HK1: variants seen among roughly 807,000 people sequenced by gnomAD.
HK1 encodes hexokinase-1.
In HK1, 28 loss-of-function variants were observed where a neutral mutation model predicts 91.6. The observed-to-expected ratio is 0.31, with a 90% CI of 0.23 to 0.42. The LOEUF (loss-of-function observed/expected upper bound fraction) is 0.42, where lower values mean the gene tolerates loss of function less well. Among genes scored for constraint, HK1 ranks in the 10% least tolerant of loss-of-function variants. The pLI, the probability that HK1 is intolerant of heterozygous loss-of-function variation, is 1.00. For synonymous variants in HK1, 430 were observed against 468.1 expected (o/e 0.92, Z 1.05); for missense variants, 770 against 1,219.8 (o/e 0.63, Z 5.49).
intron 2 of HK1, among the ~76,000 whole-genome samples, chr10:69,350,591 G>A (rs544319249): frequency 2.0e-5 from 3 of 152,150 alleles, no homozygotes; most frequent in African/African-American, 7.2e-5. Context: ...GAACCCGGGA[G>A]TTGGAGGTTG....
At chr10:69,301,004 G>T (rs1032657196) in intron 5 of HK1, 6 of 550,262 alleles carry the variant, frequency 1.1e-5, no homozygotes, top group South Asian at 7.1e-5. Flanking sequence ...CAGCACTTTG[G>T]GAGGCTGAGG....
At position 69,357,605 on chromosome 10, in the gene HK1, A is replaced by G. The variant is rs116220523; in HGVS notation, c.227-2292A>G. On this transcript the variant is annotated intron_variant, in intron 2 of 17. Transcript: ENST00000359426. ...GCTGGGATTACAGGCTCACACCACC[A>G]TGCCCATCTAATCTTTTTTGTGTTT... 5.2e-3 allele frequency among the ~76,000 whole-genome samples: 786 copies of G among 152,162 alleles called. 2 individuals are homozygous for G. The highest frequency in any genetic ancestry group is 0.024 in the Middle Eastern group (7 of 294).
At chr10:69,362,946 C>T (rs1849509419) in intron 3 of HK1, among the ~76,000 whole-genome samples, 1 of 152,166 alleles carries the variant, frequency 6.6e-6, no homozygotes, top group Non-Finnish European at 1.5e-5. Context: ...TTAAAATTGA[C>T]CAGGCGTTCT....
intron 1 of HK1, chr10:69,338,225 C>A: frequency 9.0e-7 from 1 of 1,109,404 alleles, no homozygotes; most frequent in Non-Finnish European, 1.1e-6. Context: ...CCCTGTGCAG[C>A]CGGTCTGGCT....
upstream of HK1, among the ~76,000 whole-genome samples, chr10:69,313,736 C>T (rs576083248): frequency 4.1e-4 from 62 of 152,110 alleles, no homozygotes; most frequent in African/African-American, 1.5e-3. Context: ...ACCAGATGAT[C>T]CGTCTGCCTC....
chr10:69,340,532 G>A (rs1419195143), intron 1 of HK1, among the ~76,000 whole-genome samples: 1 of 152,214 alleles, frequency 6.6e-6, no homozygotes, highest in African/African-American at 2.4e-5. Context: ...TTACAGGCAT[G>A]AGCCATTGCT....
At chr10:69,308,765 C>T (rs1200951559) in intron 5 of HK1, among the ~76,000 whole-genome samples, 1 of 152,116 alleles carries the variant, frequency 6.6e-6, no homozygotes, top group African/African-American at 2.4e-5. Context: ...TCTCTTCTCT[C>T]AATTAGGCAC....
chr10:69,397,145 TTG>T (rs148373895), intron 16 of HK1, among the ~76,000 whole-genome samples: 4 of 151,416 alleles, frequency 2.6e-5, no homozygotes, highest in Non-Finnish European at 3.0e-5. Flanking sequence ...TCCTTTCAGT[TTG>T]TGTGTGTGTG....
chr10:69,365,180 A>G (rs1849637787), intron 4 of HK1, among the ~76,000 whole-genome samples: 1 of 152,170 alleles, frequency 6.6e-6, no homozygotes, highest in Non-Finnish European at 1.5e-5. Flanking sequence ...AAAGGAAAAT[A>G]AAGTAGTTTT....
At chr10:69,386,754 G>C (rs577090815) in intron 13 of HK1, 1 of 224,714 alleles carries the variant, frequency 4.5e-6, no homozygotes, top group Non-Finnish European at 9.0e-6. Context: ...ACTACAGCCT[G>C]GGCGACAGAG....
intron 2 of HK1, among the ~76,000 whole-genome samples, chr10:69,286,584 C>T (rs1397801541): frequency 6.6e-6 from 1 of 151,208 alleles, no homozygotes; most frequent in East Asian, 1.9e-4. Context: ...GTTTCGCTCT[C>T]GTTGTCCTGG....
In HK1 at chr10:69,394,997, A is replaced by G; in HGVS notation, c.2267A>G (p.Asn756Ser). 6.2e-7 allele frequency: 1 copy of G among 1,614,168 alleles called. No homozygotes were observed. The highest frequency in any genetic ancestry group is 8.5e-7 in the Non-Finnish European group (1 of 1,180,018). ...ATGTACCTGGGTGAAATCGTCCGCA[A>G]CATCTTAATCGACTTCACCAAGAAG... ...SGMYLGEIVR[N>S]ILIDFTKKGF... The change falls in exon 16 of 18, where the codon AAC (asparagine) becomes AGC (serine). Residue 756 changes from asparagine (N) to serine (S), a missense_variant. Around this residue, in one of 7 missense-constraint regions of HK1, gnomAD observed 152 missense variants for 211.1 expected, o/e 0.72. Transcript: ENST00000359426.
intron 2 of HK1, among the ~76,000 whole-genome samples, chr10:69,345,764 C>T (rs1273811678): frequency 6.6e-6 from 1 of 152,170 alleles, no homozygotes; most frequent in Non-Finnish European, 1.5e-5. Context: ...GGTGCTCTCC[C>T]TCTCCTTCAC....
chr10:69,285,568 A>G (rs7894213), intron 2 of HK1, among the ~76,000 whole-genome samples: 150,516 of 152,290 alleles, frequency 0.99, 74,415 homozygotes, highest in Non-Finnish European at 1. Flanking sequence ...CACAATAAAC[A>G]AAGCATCAAA....
At chr10:69,320,798 T>C (rs1163083035) in intron 1 of HK1, among the ~76,000 whole-genome samples, 1 of 152,170 alleles carries the variant, frequency 6.6e-6, no homozygotes, top group Non-Finnish European at 1.5e-5. Flanking sequence ...TGAGCTGGGC[T>C]GAGGTTTGGA....
At chr10:69,365,108 A>G (rs1311973544) in intron 4 of HK1, among the ~76,000 whole-genome samples, 1 of 152,062 alleles carries the variant, frequency 6.6e-6, no homozygotes, top group African/African-American at 2.4e-5. Context: ...GTATTTTTGG[A>G]GACAAATCAG....
At chr10:69,376,861 T>C in intron 7 of HK1, 73 bp from the exon 8 acceptor site, 1 of 1,585,710 alleles carries the variant, frequency 6.3e-7, no homozygotes, top group Non-Finnish European at 8.7e-7. Context: ...CCCATTCCTT[T>C]TATGTCTGTC....
At chr10:69,386,756 G>T in intron 13 of HK1, 1 of 221,232 alleles carries the variant, frequency 4.5e-6, no homozygotes, top group Non-Finnish European at 9.2e-6. Context: ...TACAGCCTGG[G>T]CGACAGAGCA....
chr10:69,276,649 A>C (rs1399342251), intron 1 of HK1, among the ~76,000 whole-genome samples: 1 of 151,408 alleles, frequency 6.6e-6, no homozygotes, highest in Non-Finnish European at 1.5e-5. Context: ...ACATAGTAAG[A>C]CTCTGTCTTA....
Sources: allele counts gnomAD v4.1 joint callset (sites outside exome capture counted in the v4.1 genomes callset), GRCh38; gene constraint gnomAD v4.1.1; regional missense constraint gnomAD v4.1.1; transcripts MANE v1.5; gene names NCBI Gene and HGNC (gene_info 2026-07-23, HGNC 2026-07-21).